Variants in ARHGAP26 observed in about 807,000 individuals in gnomAD.
The protein encoded by ARHGAP26 is Rho GTPase activating protein 26.
Under a neutral mutation model 104.8 loss-of-function variants are expected in ARHGAP26, and 38 were observed. The ratio of observed to expected loss-of-function variants is 0.36; its 90% confidence interval spans 0.28 to 0.48. The LOEUF is 0.48. Among genes scored for constraint, ARHGAP26 ranks in the 20% least tolerant of loss-of-function variants. The pLI is 0.99. For synonymous variants in ARHGAP26, 341 were observed against 340.0 expected, an observed-to-expected ratio of 1.00 and a Z score of -0.03; for missense variants, 704 against 947.9, an observed-to-expected ratio of 0.74 and a Z score of 3.38.
At chr5:143,043,295 C>T (rs987452788) in intron 14 of ARHGAP26, among the ~76,000 whole-genome samples, 3 of 152,172 alleles carry the variant, frequency 2.0e-5, no homozygotes, top group African/African-American at 7.2e-5. Context: ...TGGAATTATA[C>T]AATACAGAAC....
chr5:142,895,652 T>A (rs189526601), intron 6 of ARHGAP26, among the ~76,000 whole-genome samples: 20 of 152,286 alleles, frequency 1.3e-4, no homozygotes, highest in Admixed American at 4.6e-4. Flanking sequence ...TTGGGGTGGA[T>A]TTTTTTAGGC....
intron 20 of ARHGAP26, among the ~76,000 whole-genome samples, chr5:143,188,759 A>G (rs768382772): frequency 1.3e-5 from 2 of 152,210 alleles, no homozygotes; most frequent in Non-Finnish European, 2.9e-5. Context: ...GTGAATTAAC[A>G]TAAATATACT....
chr5:143,030,328 G>T (rs1781670888), intron 12 of ARHGAP26, among the ~76,000 whole-genome samples: 1 of 152,178 alleles, frequency 6.6e-6, no homozygotes. Context: ...ATATGGAGAA[G>T]CCCTCCTCTC....
chr5:142,832,433 C>T (rs75618096), intron 1 of ARHGAP26, among the ~76,000 whole-genome samples: 147 of 148,592 alleles, frequency 9.9e-4, no homozygotes, highest in African/African-American at 3.3e-3. Context: ...AGTGTAGAGC[C>T]GGAAGGCAAG....
At chr5:142,891,362 A>G (rs1291522244) in intron 5 of ARHGAP26, among the ~76,000 whole-genome samples, 1 of 151,908 alleles carries the variant, frequency 6.6e-6, no homozygotes, top group Non-Finnish European at 1.5e-5. Context: ...TCCAGCAGTT[A>G]CTCAGCAGAC....
At chr5:143,173,400 A>C (rs996027546) in intron 20 of ARHGAP26, among the ~76,000 whole-genome samples, 1 of 152,180 alleles carries the variant, frequency 6.6e-6, no homozygotes, top group South Asian at 2.1e-4. Flanking sequence ...GAGGGCCTAG[A>C]GGGAGTGGAG....
intron 20 of ARHGAP26, among the ~76,000 whole-genome samples, chr5:143,194,825 G>T (rs1806542936): frequency 6.6e-6 from 1 of 152,156 alleles, no homozygotes; most frequent in Non-Finnish European, 1.5e-5. Context: ...TGAACAAGGG[G>T]TAAAAATCAC....
At chr5:143,070,493 G>GA (rs1788085504) in intron 17 of ARHGAP26, among the ~76,000 whole-genome samples, 1 of 152,190 alleles carries the variant, frequency 6.6e-6, no homozygotes, top group Non-Finnish European at 1.5e-5. Flanking sequence ...ACTGATGACA[G>GA]AAATTGAAGA....
chr5:142,868,303 C>G (rs1214767834), intron 1 of ARHGAP26, among the ~76,000 whole-genome samples: 1 of 152,102 alleles, frequency 6.6e-6, no homozygotes, highest in Non-Finnish European at 1.5e-5. Context: ...GCAGCTGGAG[C>G]CCAGAGAGGG....
At chr5:143,126,433 G>A (rs1278910212) in intron 18 of ARHGAP26, among the ~76,000 whole-genome samples, 1 of 152,144 alleles carries the variant, frequency 6.6e-6, no homozygotes, top group Admixed American at 6.5e-5. Context: ...TCCAAGTGGA[G>A]GCTAAAATGA....
At chr5:143,150,354 G>T (rs1483260900) in intron 20 of ARHGAP26, among the ~76,000 whole-genome samples, 1 of 152,210 alleles carries the variant, frequency 6.6e-6, no homozygotes, top group African/African-American at 2.4e-5. Context: ...AAAGGCAGTG[G>T]CATATGGCAG....
chr5:142,791,861 G>A (rs550770834), intron 1 of ARHGAP26, among the ~76,000 whole-genome samples: 14 of 151,338 alleles, frequency 9.3e-5, no homozygotes, highest in African/African-American at 2.9e-4. Context: ...CTATCTGGGA[G>A]GCTGAGGGAC....
chr5:143,184,793 A>T (rs1177127057), intron 20 of ARHGAP26, among the ~76,000 whole-genome samples: 1 of 152,200 alleles, frequency 6.6e-6, no homozygotes, highest in African/African-American at 2.4e-5. Context: ...CAAAATCCAT[A>T]TACTCAAGAG....
chr5:143,139,453 G>C (rs1798265971), intron 19 of ARHGAP26, among the ~76,000 whole-genome samples: 1 of 152,154 alleles, frequency 6.6e-6, no homozygotes, highest in South Asian at 2.1e-4. Context: ...ACCTTTGTCA[G>C]TTCTTGAGCT....
intron 1 of ARHGAP26, among the ~76,000 whole-genome samples, chr5:142,799,981 T>C (rs761436682): frequency 6.6e-6 from 1 of 152,228 alleles, no homozygotes; most frequent in Non-Finnish European, 1.5e-5. Context: ...GTCACTGGCC[T>C]GATGTAGTGG....
At chr5:143,055,434 T>C (rs1407300448) in intron 15 of ARHGAP26, among the ~76,000 whole-genome samples, 3 of 152,180 alleles carry the variant, frequency 2.0e-5, no homozygotes, top group African/African-American at 7.2e-5. Flanking sequence ...CCAAGAATAA[T>C]GTATAGTCCT....
At chr5:143,109,019 T>C (rs1272505236) in intron 17 of ARHGAP26, among the ~76,000 whole-genome samples, 1 of 152,264 alleles carries the variant, frequency 6.6e-6, no homozygotes, top group Non-Finnish European at 1.5e-5. Context: ...AAAATGGTGC[T>C]AGTAATGTGG....
intron 17 of ARHGAP26, among the ~76,000 whole-genome samples, chr5:143,068,167 GAAATA>G (rs943350633): frequency 6.2e-4 from 94 of 152,170 alleles, no homozygotes; most frequent in African/African-American, 2.2e-3. Context: ...CTTGTCTCAA[GAAATA>G]AAATAAAAAA....
chr5:143,190,026 G>GA (rs1468945410), intron 20 of ARHGAP26, among the ~76,000 whole-genome samples: 3 of 123,132 alleles, frequency 2.4e-5, no homozygotes, highest in Non-Finnish European at 5.0e-5. Flanking sequence ...AGGACAGAAG[G>GA]AGGGGGGGGA....
Sources: gnomAD v4.1 joint callset for allele counts (sites outside exome capture counted in the v4.1 genomes callset) on GRCh38, gnomAD v4.1.1 for gene constraint, MANE v1.5 for transcripts, NCBI Gene and HGNC (gene_info 2026-07-23, HGNC 2026-07-21) for gene names.